The following IL5RA variants were observed in gnomAD, a reference collection of about 807,000 sequenced individuals.
The protein encoded by IL5RA is interleukin 5 receptor subunit alpha.
In IL5RA, 49 loss-of-function variants were observed where a neutral mutation model predicts 50.0. The ratio of observed to expected loss-of-function variants is 0.98; its 90% CI spans 0.78 to 1.24. The LOEUF (loss-of-function observed/expected upper bound fraction) is 1.24, where lower values mean the gene tolerates loss of function less well. Among genes scored for constraint, IL5RA ranks in the 50% most tolerant of loss-of-function variants. The probability of loss-of-function intolerance (pLI) is 0.00; values close to 1 mark genes in which losing one functional copy is unlikely to be tolerated. For missense variants in IL5RA, 600 were observed against 500.4 expected (o/e 1.20, Z -1.90); for synonymous variants, 202 against 174.0 (o/e 1.16, Z -1.26).
intron 9 of IL5RA, among the ~76,000 whole-genome samples, chr3:3,083,776 T>C (rs17882774): frequency 0.041 from 6,247 of 152,256 alleles, 415 homozygotes; most frequent in African/African-American, 0.14. Flanking sequence ...AGACCAAGTG[T>C]GGTGGCTCAG....
intron 9 of IL5RA, among the ~76,000 whole-genome samples, chr3:3,078,881 T>C (rs1489273935): frequency 6.6e-6 from 1 of 152,046 alleles, no homozygotes; most frequent in Non-Finnish European, 1.5e-5. Flanking sequence ...GCTGCTTCAT[T>C]TCCCAGCTCT....
At chr3:3,090,173 A>G in intron 9 of IL5RA, 1 of 1,598,638 alleles carries the variant, frequency 6.3e-7, no homozygotes. Flanking sequence ...AAACACATGT[A>G]ATCTGCTATC....
At position 3,068,551 on chromosome 3, in the gene IL5RA, G is replaced by C. The variant is rs1454901096; in HGVS notation, c.*1674C>G. ...GATCACATCACTACACTCTAGCCTG[G>C]GAGACAGAACAAGACTGTCTCCACC... On this transcript the variant is annotated 3_prime_UTR_variant, in exon 12 of 12. Coordinates refer to ENST00000446632, the MANE Select transcript of IL5RA (RefSeq NM_175726.4). The C allele has an allele frequency of 7.2e-6, 1 of 139,290 alleles. No individual in the cohort carries two copies. Among genetic ancestry groups the C allele is most frequent in the South Asian group, 2.2e-4 (1 of 4,590 alleles). The allele number at this position is 139,290 out of a possible 1,614,324, so 8.6% of individuals were successfully genotyped here.
chr3:3,083,623 C>T (rs536215775), intron 9 of IL5RA, among the ~76,000 whole-genome samples: 1 of 152,286 alleles, frequency 6.6e-6, no homozygotes, highest in South Asian at 2.1e-4. Context: ...CCTTCTGGAG[C>T]CCCCCAAGCA....
intron 10 of IL5RA, among the ~76,000 whole-genome samples, chr3:3,075,342 A>G (rs746292208): frequency 6.6e-6 from 1 of 150,440 alleles, no homozygotes; most frequent in Non-Finnish European, 1.5e-5. Context: ...AGCTGGGACT[A>G]CAGGCACATG....
In IL5RA at chr3:3,098,390, C is replaced by T. The variant is rs894113622; in HGVS notation, c.368-100G>A. 5 of 1,011,884 alleles carry T rather than the reference C, an allele frequency of 4.9e-6. No individual in the cohort carries two copies. The East Asian group carries it at 9.8e-5, about 20-fold the overall frequency. 62.7% of individuals were successfully genotyped at this position (1,011,884 alleles called of 1,614,324 possible). A position where few individuals can be genotyped will look rare whatever the true frequency, so the allele number is the denominator to read the frequency against. On this transcript the variant is annotated intron_variant, in intron 5 of 11. Transcript: ENST00000446632. ...AGTGATGTGAACGTCGTATTCATCACCAAAAAATAATCATCTTCACATTTT... is the reference window on the plus strand; with the variant it reads ...AGTGATGTGAACGTCGTATTCATCATCAAAAAATAATCATCTTCACATTTT...
At position 3,070,267 on chromosome 3, in the gene IL5RA, T is replaced by C. The variant is rs769511962; in HGVS notation, c.1221A>G (p.Ile407Met). 44 of 1,613,556 alleles carry C rather than the reference T, an allele frequency of 2.7e-5. No homozygotes were observed. The South Asian group carries it at 3.7e-4, about 14-fold the overall frequency. The part of the protein sequence containing the change: ...SETEIEVICY[I>M]EKPGVETLED... ...CCAGGGTCTCAACTCCAGGCTTCTC[T>C]ATATAACAGATGACTTCAATTTCCG... The change falls in exon 12 of 12, where the codon ATA (isoleucine) becomes ATG (methionine). Residue 407 changes from isoleucine (I) to methionine (M), a missense_variant. Transcript: ENST00000446632.
intron 3 of IL5RA, chr3:3,103,105 A>T: frequency 4.9e-6 from 1 of 202,086 alleles, no homozygotes; most frequent in Non-Finnish European, 9.9e-6. Flanking sequence ...CTGGTCTTGA[A>T]CTCCTAACTT....
chr3:3,103,190 G>C (rs1183081039), intron 3 of IL5RA, among the ~76,000 whole-genome samples: 1 of 152,114 alleles, frequency 6.6e-6, no homozygotes, highest in Non-Finnish European at 1.5e-5. Context: ...TCCTAGAAGA[G>C]GTTTCTTCAA....
In IL5RA at chr3:3,084,053, T is replaced by TAA. The variant is rs11399967; in HGVS notation, c.995-7428_995-7427dup. On this transcript the variant is annotated intron_variant, in intron 9 of 11. Coordinates refer to ENST00000446632, the MANE Select transcript of IL5RA (RefSeq NM_175726.4). ...GGTGAGAGAGTGAGACTCCATCTCA[T>TAA]AAAAAAAAAAAAAAAAAAAGGTTTA... Among the ~76,000 whole-genome samples the TAA allele has an allele frequency of 3.2e-3, 314 of 99,382 alleles. 1 individual carries two copies. The highest frequency in any genetic ancestry group is 6.0e-3 in the Middle Eastern group (1 of 168). 65.2% of individuals were successfully genotyped at this position (99,382 alleles called of 152,430 possible). A position where few individuals can be genotyped will look rare whatever the true frequency, so the allele number is the denominator to read the frequency against.
intron 9 of IL5RA, among the ~76,000 whole-genome samples, chr3:3,091,503 C>T (rs368769055): frequency 1.1e-4 from 16 of 152,084 alleles, no homozygotes; most frequent in East Asian, 5.8e-4. Context: ...AGGCTGAGGC[C>T]GGTGGATCAC....
chr3:3,092,519 G>T lies in IL5RA; in HGVS notation c.856-157C>A, dbSNP rs17659894. ...ACATTAATTCGTTTATGCTAGGTGC[G>T]TTAGTGTGGATGTGTTGGCAGTCAC... On this transcript the variant is annotated intron_variant, in intron 8 of 11. Coordinates refer to ENST00000446632, the MANE Select transcript of IL5RA (RefSeq NM_175726.4). The surrounding 1 kb of genome is among the most constrained non-coding windows in gnomAD (Gnocchi z 4.2). Among the ~76,000 whole-genome samples the T allele has an allele frequency of 0.07, 10,578 of 152,200 alleles. 414 individuals carry two copies. The highest frequency in any genetic ancestry group is 0.092 in the South Asian group (443 of 4,816).
Position 3,070,060 on chromosome 3 carries a change from T to C in IL5RA, c.*165A>G. On this transcript the variant is annotated 3_prime_UTR_variant, in exon 12 of 12. Coordinates refer to ENST00000446632, the MANE Select transcript of IL5RA (RefSeq NM_175726.4). ...TGAGGCGATTTGGATGAAGCATCCA[T>C]ACTTTTAAGAGATACAAGACTGGTG... 1 of 579,206 alleles carries C rather than the reference T, an allele frequency of 1.7e-6. No homozygotes were observed. The highest frequency in any genetic ancestry group is 3.1e-6 in the Non-Finnish European group (1 of 320,638). 35.9% of individuals were successfully genotyped at this position (579,206 alleles called of 1,614,324 possible).
At chr3:3,072,872 A>G (rs1270861817) in intron 11 of IL5RA, among the ~76,000 whole-genome samples, 3 of 152,230 alleles carry the variant, frequency 2.0e-5, no homozygotes, top group Non-Finnish European at 4.4e-5. Flanking sequence ...AGATGGTTCC[A>G]CTGCACTCCA....
At chr3:3,081,235 G>A (rs545995613) in intron 9 of IL5RA, among the ~76,000 whole-genome samples, 4 of 152,222 alleles carry the variant, frequency 2.6e-5, no homozygotes, top group East Asian at 1.9e-4. Context: ...CTTAGTTAAT[G>A]TAAAGAGTAG....
At chr3:3,075,869 G>A (rs560381059) in intron 10 of IL5RA, among the ~76,000 whole-genome samples, 1 of 152,178 alleles carries the variant, frequency 6.6e-6, no homozygotes, top group African/African-American at 2.4e-5. Flanking sequence ...CAAAGTGCTG[G>A]GATTACAGGA....
At chr3:3,089,713 C>T (rs901311944) in intron 9 of IL5RA, among the ~76,000 whole-genome samples, 3 of 151,996 alleles carry the variant, frequency 2.0e-5, no homozygotes, top group Middle Eastern at 3.4e-3. Context: ...ACTGCAACCT[C>T]TGCCTCCTGG....
intron 9 of IL5RA, among the ~76,000 whole-genome samples, chr3:3,091,455 G>A (rs947092982): frequency 3.3e-5 from 5 of 152,140 alleles, no homozygotes; most frequent in Admixed American, 6.5e-5. Context: ...CATATGGCTC[G>A]GCACAGCGGC....
chr3:3,090,214 T>G (rs1703028769), intron 9 of IL5RA: 2 of 1,610,946 alleles, frequency 1.2e-6, no homozygotes, highest in Non-Finnish European at 1.7e-6. Context: ...AGATACGGTG[T>G]GGGGCAGGAA....
Sources: allele counts gnomAD v4.1 joint callset (sites outside exome capture counted in the v4.1 genomes callset), GRCh38; gene constraint gnomAD v4.1.1; non-coding constraint Gnocchi (gnomAD v3.1); transcripts MANE v1.5; gene names NCBI Gene and HGNC (gene_info 2026-07-23, HGNC 2026-07-21).